The following RPS2 variants were observed in gnomAD, a reference collection of about 807,000 sequenced individuals.
The protein encoded by RPS2 is small ribosomal subunit protein uS5.
Under a neutral mutation model 25.3 loss-of-function variants are expected in RPS2, and 8 were observed. The observed-to-expected ratio is 0.32, with a 90% confidence interval of 0.19 to 0.57. The LOEUF (loss-of-function observed/expected upper bound fraction) is 0.57, where lower values mean the gene tolerates loss of function less well. Among genes scored for constraint, RPS2 ranks in the 20% least tolerant of loss-of-function variants. RPS2 has a pLI of 0.90. For missense variants in RPS2, 229 were observed against 408.1 expected (o/e 0.56, Z 3.78); for synonymous variants, 181 against 161.3 (o/e 1.12, Z -0.92).
rs142880060 is a variant in RPS2, at chr16:1,964,306, C to A, written c.237G>T (p.Glu79Asp). Residue 79 changes from glutamate (E) to aspartate (D), a missense_variant, in exon 3 of 7, where the codon GAG becomes GAT. Glu to Asp is a conservative substitution (Grantham distance 45, BLOSUM62 2). Transcript: ENST00000343262. ...TAGGCAGGGAGAAGAGATAGATCTC[C>A]TCCAGGGACTTGATCTTCATGTCCT... ...LVKDMKIKSL[E>D]EIYLFSLPIK... The A allele has an allele frequency of 6.2e-7, 1 of 1,613,144 alleles. No individual in the cohort carries two copies. The highest frequency in any genetic ancestry group is 1.3e-5 in the African/African-American group (1 of 74,940).
chr16:1,963,434 G>A (rs1316757854), intron 3 of RPS2, among the ~76,000 whole-genome samples, 178 bp from the exon 4 acceptor site: 2 of 152,182 alleles, frequency 1.3e-5, no homozygotes, highest in Non-Finnish European at 2.9e-5. Flanking sequence ...TGGCCACATG[G>A]TGAAACCCCA....
chr16:1,963,699 G>A (rs1386542591), intron 3 of RPS2: 1 of 415,522 alleles, frequency 2.4e-6, no homozygotes, highest in Admixed American at 2.7e-5. Context: ...TTGGAAGCTT[G>A]TATGTAAGGT....
intron 1 of RPS2, 61 bp downstream of exon 1, chr16:1,964,746 C>T (rs1449741545): frequency 8.6e-6 from 5 of 581,394 alleles, no homozygotes; most frequent in African/African-American, 2.0e-5. Flanking sequence ...AGACCCGACC[C>T]GATGTCCGCG....
chr16:1,962,947 C>T (rs774577074), intron 4 of RPS2, 38 bp from the exon 5 acceptor site: 4 of 1,594,144 alleles, frequency 2.5e-6, no homozygotes, highest in Non-Finnish European at 3.4e-6. Flanking sequence ...GGTGGCCCTA[C>T]ACCCAATCAC....
Position 1,962,555 on chromosome 16 carries a change from A to C in RPS2, c.651T>G (p.Ala217=). 1.9e-6 allele frequency: 3 copies of C among 1,611,532 alleles called. No individual in the cohort carries two copies. The highest frequency in any genetic ancestry group is 2.5e-6 in the Non-Finnish European group (3 of 1,179,630). Reference sequence around the variant, plus strand: ...CTGAGGTGTAGCAGTCATCGATACCAGCCATCATGAGCAGCTTCTTAGGCA... The same window carrying C: ...CTGAGGTGTAGCAGTCATCGATACCCGCCATCATGAGCAGCTTCTTAGGCA... The part of the protein sequence containing the change: ...APVPKKLLMM[A]GIDDCYTSAR... Residue 217 remains alanine, a synonymous_variant, in exon 6 of 7, where the codon GCT becomes GCG. Coordinates refer to ENST00000343262, the MANE Select transcript of RPS2 (RefSeq NM_002952.4).
chr16:1,964,681 C>A (rs370843591), intron 1 of RPS2, 53 bp from the exon 2 acceptor site: 5 of 1,007,654 alleles, frequency 5.0e-6, no homozygotes, highest in Non-Finnish European at 7.1e-6. Context: ...CATCTGGCAG[C>A]CCCCCGCGAG....
At position 1,964,318 on chromosome 16, in the gene RPS2, G is replaced by C; in HGVS notation, c.225C>G (p.Ile75Met). ...AGAGATAGATCTCCTCCAGGGACTTGATCTTCATGTCCTTGACCAAGCGGC... is the reference window on the plus strand; with the variant it reads ...AGAGATAGATCTCCTCCAGGGACTTCATCTTCATGTCCTTGACCAAGCGGC... The part of the protein sequence containing the change: ...KLGRLVKDMK[I>M]KSLEEIYLFS... Residue 75 changes from isoleucine to methionine, a missense_variant, in exon 3 of 7, where the codon ATC becomes ATG. Physicochemically the swap from Ile to Met is conservative, Grantham distance 10. Coordinates refer to ENST00000343262, the MANE Select transcript of RPS2 (RefSeq NM_002952.4). The C allele has an allele frequency of 1.9e-6, 3 of 1,613,562 alleles. No homozygotes were observed. The highest frequency in any genetic ancestry group is 1.7e-4 in the Middle Eastern group (1 of 6,042).
rs552590958 is a variant in RPS2, at chr16:1,963,695, GC to G, written c.268-440del. The G allele has an allele frequency of 7.2e-5, 29 of 405,430 alleles. No homozygotes were observed. The East Asian group carries it at 1.6e-3, about 22-fold the overall frequency. The allele number at this position is 405,430 out of a possible 1,614,324, so 25.1% of individuals were successfully genotyped here. On this transcript the variant is annotated intron_variant, in intron 3 of 6. Transcript: ENST00000343262. ...TGTCCCCTTCGTTTCGTTTTTGGAAGCTTGTATGTAAGGTTACCCTATTTCT... is the reference window on the plus strand; with the variant it reads ...TGTCCCCTTCGTTTCGTTTTTGGAAGTTGTATGTAAGGTTACCCTATTTCT...
chr16:1,962,314 G>T, intron 6 of RPS2, 44 bp from the exon 7 acceptor site: 1 of 1,580,410 alleles, frequency 6.3e-7, no homozygotes, highest in Non-Finnish European at 8.7e-7. Flanking sequence ...GTGTGCTTGA[G>T]GCAAGTCCCC....
chr16:1,962,976 T>C (rs2083270478), intron 4 of RPS2, 67 bp from the exon 5 acceptor site: 1 of 1,541,488 alleles, frequency 6.5e-7, no homozygotes, highest in Non-Finnish European at 8.9e-7. Context: ...GCCCAGGGCC[T>C]GTTGCACCCC....
intron 1 of RPS2, 39 bp from the exon 2 acceptor site, chr16:1,964,667 T>C (rs1400934869): frequency 9.0e-7 from 1 of 1,114,784 alleles, no homozygotes; most frequent in Non-Finnish European, 1.3e-6. Context: ...CAGTGTGGCC[T>C]ACGCATCTGG....
chr16:1,964,109 A>G (rs111548082), intron 3 of RPS2, 167 bp downstream of exon 3: 3 of 613,214 alleles, frequency 4.9e-6, no homozygotes, highest in Non-Finnish European at 8.8e-6. Context: ...TATCCATCCA[A>G]CCTCTAAGTG....
chr16:1,962,147 G>T lies in RPS2; in HGVS notation c.833C>A (p.Thr278Asn). The T allele has an allele frequency of 6.3e-7, 1 of 1,591,334 alleles. No homozygotes were observed. Among genetic ancestry groups the T allele is most frequent in the Non-Finnish European group, 8.5e-7 (1 of 1,175,412 alleles). ...CTGAGTCCGCTGCACGGAGACTCTG[G>T]TGTGGGTCTTGACGAGGTGGTCAGT... ...EFTDHLVKTH[T>N]RVSVQRTQAP... The change falls in exon 7 of 7, where the codon ACC (threonine) becomes AAC (asparagine). Residue 278 changes from threonine to asparagine, a missense_variant. Physicochemically the swap from Thr to Asn is moderately conservative, Grantham distance 65. This residue lies in a region of RPS2 where 32 missense variants were observed against 29.4 expected (regional missense o/e 1.09). Coordinates refer to ENST00000343262, the MANE Select transcript of RPS2 (RefSeq NM_002952.4).
In RPS2 at chr16:1,964,798, A is replaced by C. The variant is rs570978665; in HGVS notation, c.-4+9T>G. 35 of 543,266 alleles carry C rather than the reference A, an allele frequency of 6.4e-5. No individual in the cohort carries two copies. The highest frequency in any genetic ancestry group is 1.6e-4 in the African/African-American group (8 of 49,434). The allele number at this position is 543,266 out of a possible 1,614,324, so 33.7% of individuals were successfully genotyped here. On this transcript the variant is annotated intron_variant, in intron 1 of 6. Coordinates refer to ENST00000343262, the MANE Select transcript of RPS2 (RefSeq NM_002952.4). ...GCAGAGGCCCGCTGCAGCGACCAACAGGACTCACGTGTTTTGTCGGAAAAG... is the reference window on the plus strand; with the variant it reads ...GCAGAGGCCCGCTGCAGCGACCAACCGGACTCACGTGTTTTGTCGGAAAAG...
At position 1,964,362 on chromosome 16, in the gene RPS2, T is replaced by C. The variant is rs1222079959; in HGVS notation, c.181A>G (p.Met61Val). 2.5e-6 allele frequency: 4 copies of C among 1,613,438 alleles called. No homozygotes were observed. The highest frequency in any genetic ancestry group is 2.2e-5 in the South Asian group (2 of 91,080). The change falls in exon 3 of 7, where the codon ATG becomes GTG. Residue 61 changes from methionine (M) to valine (V), a missense_variant. By Grantham distance (21) the Met-to-Val change is conservative. Coordinates refer to ENST00000343262, the MANE Select transcript of RPS2 (RefSeq NM_002952.4). ...AAGCGGCCCAACTTGGTGACGGGCATCCACTAAAGGGAGAAAAGGCGCCAG... is the reference window on the plus strand; with the variant it reads ...AAGCGGCCCAACTTGGTGACGGGCACCCACTAAAGGGAGAAAAGGCGCCAG... The part of the protein sequence containing the change: ...RGGKAEDKEW[M>V]PVTKLGRLVK...
chr16:1,964,429 C>T lies in RPS2; in HGVS notation c.177+20G>A, dbSNP rs201931684. On this transcript the variant is annotated intron_variant, in intron 2 of 6. Coordinates refer to ENST00000343262, the MANE Select transcript of RPS2 (RefSeq NM_002952.4). The stretch of plus-strand genomic sequence containing the variant: ...CCGGCGCCGCCCAGGGGCCCGACCC[C>T]GAGCGTGGCTGATACCTACCTCCTT... 1.9e-6 allele frequency: 3 copies of T among 1,612,522 alleles called. No homozygotes were observed. The highest frequency in any genetic ancestry group is 2.2e-5 in the South Asian group (2 of 91,040).
intron 3 of RPS2, chr16:1,964,042 G>A (rs1034220069): frequency 9.0e-6 from 5 of 556,160 alleles, no homozygotes; most frequent in Admixed American, 3.1e-5. Flanking sequence ...AAATGAATTC[G>A]CTGCGAATGT....
chr16:1,963,290 TA>T (rs371495940), intron 3 of RPS2, 34 bp from the exon 4 acceptor site: 130 of 1,234,638 alleles, frequency 1.1e-4, no homozygotes, highest in African/African-American at 3.9e-4. Flanking sequence ...GGGAGAGCAT[TA>T]AAAAAAAACT....
At chr16:1,964,236 G>C in intron 3 of RPS2, 40 bp downstream of exon 3, 1 of 1,465,226 alleles carries the variant, frequency 6.8e-7, no homozygotes, top group Non-Finnish European at 9.6e-7. Flanking sequence ...AAATGACTCC[G>C]GGGTCGCACT....
Sources: gnomAD v4.1 joint callset for allele counts (sites outside exome capture counted in the v4.1 genomes callset) on GRCh38, gnomAD v4.1.1 for gene constraint, gnomAD v4.1.1 regional missense constraint, MANE v1.5 for transcripts, NCBI Gene and HGNC (gene_info 2026-07-23, HGNC 2026-07-21) for gene names.